Variants in PIK3R1 observed in about 807,000 individuals in gnomAD.
PIK3R1 encodes the protein phosphoinositide-3-kinase regulatory subunit 1.
Under a neutral mutation model 98.0 loss-of-function variants are expected in PIK3R1, and 29 were observed. The observed-to-expected ratio is 0.30, with a 90% CI of 0.22 to 0.40. The LOEUF (loss-of-function observed/expected upper bound fraction) is 0.40, where lower values mean the gene tolerates loss of function less well. Among genes scored for constraint, PIK3R1 ranks in the 10% least tolerant of loss-of-function variants. The pLI, the probability that PIK3R1 is intolerant of heterozygous loss-of-function variation, is 1.00. For synonymous variants in PIK3R1, 282 were observed against 311.8 expected, an observed-to-expected ratio of 0.90 and a Z score of 1.01; for missense variants, 596 against 872.7, an observed-to-expected ratio of 0.68 and a Z score of 3.99.
intron 2 of PIK3R1, among the ~76,000 whole-genome samples, chr5:68,257,344 T>C (rs1022826805): frequency 6.6e-6 from 1 of 152,238 alleles, no homozygotes; most frequent in African/African-American, 2.4e-5. Context: ...AAAGGGCTGG[T>C]AATTACAGTT....
intron 2 of PIK3R1, among the ~76,000 whole-genome samples, chr5:68,251,350 G>C (rs1745298985): frequency 2.0e-5 from 3 of 152,072 alleles, no homozygotes; most frequent in African/African-American, 7.2e-5. Flanking sequence ...CAGTTCAGAA[G>C]ATGGAAGATA....
chr5:68,268,442 G>T (rs1158246297), intron 2 of PIK3R1, among the ~76,000 whole-genome samples: 1 of 152,154 alleles, frequency 6.6e-6, no homozygotes, highest in Non-Finnish European at 1.5e-5. Context: ...TGCTTTAAAG[G>T]TTTATTTAAG....
intron 10 of PIK3R1, 51 bp from the exon 11 acceptor site, chr5:68,293,658 T>C (rs1268514536): frequency 1.5e-6 from 2 of 1,292,870 alleles, no homozygotes; most frequent in African/African-American, 3.0e-5. Flanking sequence ...TGTTAAACAA[T>C]TGTTATTTGA....
chr5:68,242,396 A>G (rs989734031), intron 2 of PIK3R1, among the ~76,000 whole-genome samples: 1 of 152,182 alleles, frequency 6.6e-6, no homozygotes, highest in African/African-American at 2.4e-5. Context: ...GCCAAAAGAA[A>G]AGTCCTAGTT....
At chr5:68,288,490 G>T (rs573549254) in intron 7 of PIK3R1, 20 of 1,311,060 alleles carry the variant, frequency 1.5e-5, no homozygotes, top group Non-Finnish European at 1.9e-5. Flanking sequence ...ACGCACTGCC[G>T]GGCGGGGCGT....
chr5:68,299,436 G>C lies in PIK3R1; in HGVS notation c.*1835G>C, dbSNP rs755964553. The stretch of plus-strand genomic sequence containing the variant: ...AATCATTGTATGTGCTTCACTACGG[G>C]GGGGAGAAGGAAACGTTAGCATCAT... On this transcript the variant is annotated 3_prime_UTR_variant, in exon 16 of 16. Transcript: ENST00000521381. 29 of 233,242 alleles carry C rather than the reference G, an allele frequency of 1.2e-4. No individual in the cohort carries two copies. The highest frequency in any genetic ancestry group is 1.3e-3 in the Middle Eastern group (1 of 786). 14.4% of individuals were successfully genotyped at this position (233,242 alleles called of 1,614,324 possible).
chr5:68,263,430 A>G (rs1297284389), intron 2 of PIK3R1, among the ~76,000 whole-genome samples: 1 of 151,772 alleles, frequency 6.6e-6, no homozygotes, highest in African/African-American at 2.4e-5. Flanking sequence ...TGACCCATCT[A>G]AAATTATAAT....
chr5:68,279,829 ATAG>A (rs1746751355), intron 5 of PIK3R1, 96 bp downstream of exon 5: 10 of 1,201,990 alleles, frequency 8.3e-6, no homozygotes, highest in Middle Eastern at 4.1e-4. Context: ...TGGTTAGAAA[ATAG>A]TAGTAATAAC....
rs1247804642 is a variant in PIK3R1 at position 68,296,258 on chromosome 5, T to C, written c.1902T>C (p.Ala634=). The change falls in exon 15 of 16, where the codon GCT becomes GCC. Residue 634 remains alanine (A), a synonymous_variant. Coordinates refer to ENST00000521381, the MANE Select transcript of PIK3R1 (RefSeq NM_181523.3). ...TTGGAAGCAGCAACCGAAACAAAGCTGAAAACCTGTTGCGAGGGAAGCGAG... is the reference window on the plus strand; with the variant it reads ...TTGGAAGCAGCAACCGAAACAAAGCCGAAAACCTGTTGCGAGGGAAGCGAG... ...WNVGSSNRNK[A]ENLLRGKRDG... is the part of the protein sequence containing the mutation. 6.2e-7 allele frequency: 1 copy of C among 1,614,188 alleles called. No homozygotes were observed. The highest frequency in any genetic ancestry group is 1.7e-5 in the Admixed American group (1 of 60,022).
At chr5:68,266,126 A>ACT (rs1746113714) in intron 2 of PIK3R1, among the ~76,000 whole-genome samples, 1 of 152,250 alleles carries the variant, frequency 6.6e-6, no homozygotes, top group Admixed American at 6.5e-5. Context: ...CTAGTCTGCC[A>ACT]GTAGCATCTT....
chr5:68,279,264 A>G (rs1746716725), intron 4 of PIK3R1, among the ~76,000 whole-genome samples: 1 of 152,118 alleles, frequency 6.6e-6, no homozygotes, highest in Admixed American at 6.5e-5. Flanking sequence ...TAACCACTGA[A>G]GATGCAGCCC....
chr5:68,235,381 T>C (rs12153457), intron 2 of PIK3R1, among the ~76,000 whole-genome samples: 30,344 of 151,158 alleles, frequency 0.2, 3,154 homozygotes, highest in Admixed American at 0.26. Context: ...TTAGCCTGGG[T>C]GACAGAGTGA....
At chr5:68,261,054 T>A (rs1183110101) in intron 2 of PIK3R1, among the ~76,000 whole-genome samples, 1 of 152,226 alleles carries the variant, frequency 6.6e-6, no homozygotes, top group Non-Finnish European at 1.5e-5. Flanking sequence ...TTATTTAACT[T>A]CCTTCCCTCC....
intron 1 of PIK3R1, among the ~76,000 whole-genome samples, chr5:68,222,206 T>C (rs1744115149): frequency 6.6e-6 from 1 of 152,126 alleles, no homozygotes; most frequent in Non-Finnish European, 1.5e-5. Context: ...AAAAATCCTG[T>C]TGATTTGGAT....
intron 1 of PIK3R1, among the ~76,000 whole-genome samples, chr5:68,223,548 A>G (rs1744171652): frequency 6.6e-6 from 1 of 152,176 alleles, no homozygotes; most frequent in Non-Finnish European, 1.5e-5. Context: ...TCCTAGAGTC[A>G]TAGAAGATTT....
At position 68,251,292 on chromosome 5, in the gene PIK3R1, T is replaced by A. The variant is rs565477435; in HGVS notation, c.335-22098T>A. Reference sequence around the variant, plus strand: ...TGGAAACCTCTTAAAAAAAACACTTTGCAGCACATCTCTGGTAGCCCTGTG... The same window carrying A: ...TGGAAACCTCTTAAAAAAAACACTTAGCAGCACATCTCTGGTAGCCCTGTG... On this transcript the variant is annotated intron_variant, in intron 2 of 15. Transcript: ENST00000521381. Among the ~76,000 whole-genome samples the A allele has an allele frequency of 2.6e-5, 4 of 152,238 alleles. No individual in the cohort carries two copies. In the South Asian group the frequency reaches 8.3e-4, roughly 32 times the overall value.
At chr5:68,274,375 T>A (rs1281017092) in intron 4 of PIK3R1, among the ~76,000 whole-genome samples, 1 of 152,172 alleles carries the variant, frequency 6.6e-6, no homozygotes, top group Non-Finnish European at 1.5e-5. Flanking sequence ...CTGAATCAAT[T>A]AAAAAATATT....
chr5:68,227,099 G>T, intron 2 of PIK3R1, 90 bp downstream of exon 2: 2 of 1,197,922 alleles, frequency 1.7e-6, no homozygotes, highest in South Asian at 1.6e-5. Flanking sequence ...TTATGTTCTG[G>T]GCAGAAGTTA....
At chr5:68,251,595 G>A (rs1444221559) in intron 2 of PIK3R1, among the ~76,000 whole-genome samples, 2 of 151,794 alleles carry the variant, frequency 1.3e-5, no homozygotes, top group African/African-American at 2.4e-5. Flanking sequence ...GTGGAAAGAG[G>A]GGATTCCTGT....
Sources: gnomAD v4.1 joint callset for allele counts (sites outside exome capture counted in the v4.1 genomes callset) on GRCh38, gnomAD v4.1.1 for gene constraint, MANE v1.5 for transcripts, NCBI Gene and HGNC (gene_info 2026-07-23, HGNC 2026-07-21) for gene names.